The following NAP1L4 variants were observed in gnomAD, a reference collection of about 807,000 sequenced individuals.
The protein encoded by NAP1L4 is nucleosome assembly protein 1 like 4, also known as nucleosome assembly protein 1-like 4.
NAP1L4 carries 15 observed loss-of-function variants against 58.2 expected under a neutral mutation model. The ratio of observed to expected loss-of-function variants is 0.26; its 90% confidence interval spans 0.17 to 0.40. The LOEUF is 0.40. Among genes scored for constraint, NAP1L4 ranks in the 10% least tolerant of loss-of-function variants. The pLI is 1.00. For missense variants in NAP1L4, 384 were observed against 451.1 expected (o/e 0.85, Z 1.35); for synonymous variants, 171 against 155.6 (o/e 1.10, Z -0.74).
chr11:2,971,368 A>G lies in NAP1L4; in HGVS notation c.402+80T>C. Reference sequence around the variant, plus strand: ...ACTGTTAGAAGCACATAAGTTTACTAGTCATTAAAAATCATTAAAAAATGC... The same window carrying G: ...ACTGTTAGAAGCACATAAGTTTACTGGTCATTAAAAATCATTAAAAAATGC... On this transcript the variant is annotated intron_variant, in intron 6 of 15. Transcript: ENST00000380542. The surrounding 1 kb of genome is among the most constrained non-coding windows in gnomAD (Gnocchi z 4.2). 1.6e-6 allele frequency: 2 copies of G among 1,237,220 alleles called. No homozygotes were observed. Among genetic ancestry groups the G allele is most frequent in the East Asian group, 4.9e-5 (2 of 40,658 alleles). 76.6% of individuals were successfully genotyped at this position (1,237,220 alleles called of 1,614,324 possible).
intron 1 of NAP1L4, among the ~76,000 whole-genome samples, chr11:2,985,973 A>G (rs1848593421): frequency 6.6e-6 from 1 of 152,248 alleles, no homozygotes; most frequent in Non-Finnish European, 1.5e-5. Context: ...TTTGTACCCC[A>G]AACAACTGTT....
intron 2 of NAP1L4, among the ~76,000 whole-genome samples, 192 bp downstream of exon 2, chr11:2,979,015 G>T (rs1284938134): frequency 1.3e-5 from 2 of 152,238 alleles, no homozygotes; most frequent in Non-Finnish European, 2.9e-5. Context: ...GATCTGTAGT[G>T]TCAATGTCTG....
At chr11:2,978,969 A>G (rs555853472) in intron 2 of NAP1L4, among the ~76,000 whole-genome samples, 3 of 122,452 alleles carry the variant, frequency 2.4e-5, no homozygotes, top group African/African-American at 1.0e-4. Flanking sequence ...CAGGGGTGTT[A>G]AAGCATGGAG....
rs780035211 is a variant in NAP1L4, at chr11:2,954,405, A to C, written c.1035+122T>G. On this transcript the variant is annotated intron_variant, in intron 12 of 15. Coordinates refer to ENST00000380542, the MANE Select transcript of NAP1L4 (RefSeq NM_005969.4). The surrounding 1 kb of genome is among the most constrained non-coding windows in gnomAD (Gnocchi z 4.8). ...ACAAGGACAGCAGCTTGGACTACAT[A>C]TCTGGCTGATGATGTAATAAAAAGA... The C allele has an allele frequency of 7.2e-7, 1 of 1,384,094 alleles. No individual in the cohort carries two copies. Among genetic ancestry groups the C allele is most frequent in the Admixed American group, 1.8e-5 (1 of 56,750 alleles). 85.7% of individuals were successfully genotyped at this position (1,384,094 alleles called of 1,614,324 possible).
intron 1 of NAP1L4, chr11:2,992,034 G>A: frequency 6.6e-6 from 1 of 152,298 alleles, no homozygotes; most frequent in South Asian, 1.8e-4. Flanking sequence ...CCTCCCGCCA[G>A]CGCCCCAGGC....
chr11:2,967,125 T>A (rs1161919356), intron 7 of NAP1L4, among the ~76,000 whole-genome samples: 1 of 152,140 alleles, frequency 6.6e-6, no homozygotes, highest in Non-Finnish European at 1.5e-5. Flanking sequence ...CAAAATGAGC[T>A]GGGCATAGTG....
At chr11:2,985,548 T>C (rs957112198) in intron 1 of NAP1L4, among the ~76,000 whole-genome samples, 9 of 152,208 alleles carry the variant, frequency 5.9e-5, no homozygotes, top group South Asian at 2.1e-4. Flanking sequence ...TATCACATAA[T>C]TGAAAAATTG....
At chr11:2,982,329 T>C (rs929357834) in intron 1 of NAP1L4, among the ~76,000 whole-genome samples, 1 of 152,222 alleles carries the variant, frequency 6.6e-6, no homozygotes, top group East Asian at 1.9e-4. Flanking sequence ...ATGTATCTCA[T>C]AGCACCTTCC....
chr11:2,960,949 C>T (rs767104749), intron 8 of NAP1L4, among the ~76,000 whole-genome samples: 2 of 152,174 alleles, frequency 1.3e-5, no homozygotes, highest in East Asian at 1.9e-4. Flanking sequence ...AGGCAACTCG[C>T]GGAAGCTACT....
At chr11:2,978,413 T>C in intron 2 of NAP1L4, 71 bp from the exon 3 acceptor site, 9 of 1,413,010 alleles carry the variant, frequency 6.4e-6, no homozygotes, top group East Asian at 2.4e-5. Context: ...AATGGACATG[T>C]TTCTTATTCA....
intron 14 of NAP1L4, among the ~76,000 whole-genome samples, chr11:2,950,662 T>A (rs1296480301): frequency 6.6e-6 from 1 of 152,254 alleles, no homozygotes; most frequent in Non-Finnish European, 1.5e-5. Context: ...TACCTTGATT[T>A]AAGTTACTCT....
At position 2,951,005 on chromosome 11, in the gene NAP1L4, C is replaced by T. The variant is rs1846194463; in HGVS notation, c.1122+254G>A. 6 of 410,424 alleles carry T rather than the reference C, an allele frequency of 1.5e-5. No homozygotes were observed. Among genetic ancestry groups the T allele is most frequent in the Middle Eastern group, 6.3e-4 (1 of 1,590 alleles). The allele number at this position is 410,424 out of a possible 1,614,324, so 25.4% of individuals were successfully genotyped here. The stretch of plus-strand genomic sequence containing the variant: ...GAAACACTTGGAAAGTCAAGTTGCT[C>T]TACTGAGGAGTCTATGTAAATAAGA... On this transcript the variant is annotated intron_variant, in intron 14 of 15. Coordinates refer to ENST00000380542, the MANE Select transcript of NAP1L4 (RefSeq NM_005969.4). This position sits in a 1 kb window ranked among gnomAD's most constrained non-coding sequence, Gnocchi z 4.0.
chr11:2,990,178 G>T (rs1452562046), intron 1 of NAP1L4: 2 of 151,856 alleles, frequency 1.3e-5, no homozygotes, highest in African/African-American at 4.8e-5. Flanking sequence ...ACATTCTGAA[G>T]CTAACACTGC....
In NAP1L4 at chr11:2,946,757, G is replaced by A. The variant is rs558728984; in HGVS notation, c.*33-1111C>T. On this transcript the variant is annotated intron_variant, in intron 15 of 15. Transcript: ENST00000380542. This position sits in a 1 kb window ranked among gnomAD's most constrained non-coding sequence, Gnocchi z 4.8. Reference sequence around the variant, plus strand: ...AGCTCCCAATCTCAGCCACCCCAGAGGCTGCCCAAAGAGCCTGGCCAAGAC... The same window carrying A: ...AGCTCCCAATCTCAGCCACCCCAGAAGCTGCCCAAAGAGCCTGGCCAAGAC... Among the ~76,000 whole-genome samples the A allele has an allele frequency of 3.3e-5, 5 of 152,330 alleles. No individual in the cohort carries two copies. The highest frequency in any genetic ancestry group is 1.2e-4 in the African/African-American group (5 of 41,580).
chr11:2,961,442 C>G (rs1846899330), intron 8 of NAP1L4, among the ~76,000 whole-genome samples: 1 of 150,902 alleles, frequency 6.6e-6, no homozygotes, highest in Non-Finnish European at 1.5e-5. Flanking sequence ...AAGGAAGAGG[C>G]AGCTACAGGG....
Position 2,951,388 on chromosome 11 carries a change from C to T in NAP1L4, c.1066-73G>A. 7.4e-7 allele frequency: 1 copy of T among 1,349,232 alleles called. No homozygotes were observed. The highest frequency in any genetic ancestry group is 1.2e-5 in the South Asian group (1 of 85,106). The allele number at this position is 1,349,232 out of a possible 1,614,324, so 83.6% of individuals were successfully genotyped here. ...TTGTGGCATTCACAATCCACAAACACAAGGAGCAAAACACTGCCTTAGATG... is the reference window on the plus strand; with the variant it reads ...TTGTGGCATTCACAATCCACAAACATAAGGAGCAAAACACTGCCTTAGATG... On this transcript the variant is annotated intron_variant, in intron 13 of 15. Coordinates refer to ENST00000380542, the MANE Select transcript of NAP1L4 (RefSeq NM_005969.4). This position sits in a 1 kb window ranked among gnomAD's most constrained non-coding sequence, Gnocchi z 4.0.
chr11:2,979,921 G>A lies in NAP1L4; in HGVS notation c.-17-684C>T, dbSNP rs146995963. On this transcript the variant is annotated intron_variant, in intron 1 of 15. Coordinates refer to ENST00000380542, the MANE Select transcript of NAP1L4 (RefSeq NM_005969.4). ...TGATAGCCCAACCATTTTAGAGTAA[G>A]TCAAAGCATTTACTGGTGTTTACAC... Among the ~76,000 whole-genome samples, 19 of 152,284 alleles carry A rather than the reference G, an allele frequency of 1.2e-4. No individual in the cohort carries two copies. In the East Asian group the frequency reaches 3.5e-3, roughly 28 times the overall value.
Position 2,955,871 on chromosome 11 carries a change from C to T in NAP1L4, c.893-105G>A. 9.5e-7 allele frequency: 1 copy of T among 1,051,912 alleles called. No individual in the cohort carries two copies. Among genetic ancestry groups the T allele is most frequent in the South Asian group, 1.4e-5 (1 of 69,990 alleles). 65.2% of individuals were successfully genotyped at this position (1,051,912 alleles called of 1,614,324 possible). Reference sequence around the variant, plus strand: ...TGCTGGTAGATAAAATGTAACATTTCTCACCTCGAGGTTTAACAGAAATCC... The same window carrying T: ...TGCTGGTAGATAAAATGTAACATTTTTCACCTCGAGGTTTAACAGAAATCC... On this transcript the variant is annotated intron_variant, in intron 10 of 15. Coordinates refer to ENST00000380542, the MANE Select transcript of NAP1L4 (RefSeq NM_005969.4). This position sits in a 1 kb window ranked among gnomAD's most constrained non-coding sequence, Gnocchi z 4.2.
intron 1 of NAP1L4, among the ~76,000 whole-genome samples, chr11:2,984,362 C>T (rs1848505722): frequency 6.6e-6 from 1 of 152,014 alleles, no homozygotes; most frequent in South Asian, 2.1e-4. Flanking sequence ...CATCTGAGGT[C>T]AGGAGTTCGA....
Sources: allele counts gnomAD v4.1 joint callset (sites outside exome capture counted in the v4.1 genomes callset), GRCh38; gene constraint gnomAD v4.1.1; non-coding constraint Gnocchi (gnomAD v3.1); transcripts MANE v1.5; gene names NCBI Gene and HGNC (gene_info 2026-07-23, HGNC 2026-07-21).